Variants in FOXP2 observed in about 807,000 individuals in gnomAD.
FOXP2 encodes the protein forkhead box P2, also known as forkhead box protein P2.
FOXP2 carries 12 observed loss-of-function variants against 115.8 expected under a neutral mutation model. That is an observed-to-expected ratio of 0.10 (90% CI 0.07 to 0.17). The LOEUF is 0.17. FOXP2 is among the 10% of genes least tolerant of loss of function. The pLI, the probability that FOXP2 is intolerant of heterozygous loss-of-function variation, is 1.00. For synonymous variants in FOXP2, 328 were observed against 297.7 expected (o/e 1.10, Z -1.05); for missense variants, 629 against 843.5 (o/e 0.75, Z 3.15).
At chr7:114,546,891 A>T (rs942451172) in intron 3 of FOXP2, among the ~76,000 whole-genome samples, 2 of 152,194 alleles carry the variant, frequency 1.3e-5, no homozygotes, top group Admixed American at 1.3e-4. Context: ...TGCTTGACAC[A>T]TGGTAGATGC....
Position 114,690,993 on chromosome 7 carries a change from CA to C in FOXP2, c.*1069del. ...CTGAGGCCAAAAGTCCATCTAAATGCAATGAAGATTTGCTTTCATTAAAGAC... is the reference window on the plus strand; with the variant it reads ...CTGAGGCCAAAAGTCCATCTAAATGCATGAAGATTTGCTTTCATTAAAGAC... On this transcript the variant is annotated 3_prime_UTR_variant, in exon 17 of 17. Coordinates refer to ENST00000350908, the MANE Select transcript of FOXP2 (RefSeq NM_014491.4). 2.2e-6 allele frequency: 1 copy of C among 454,352 alleles called. No homozygotes were observed. The highest frequency in any genetic ancestry group is 6.9e-5 in the East Asian group (1 of 14,396). The allele number at this position is 454,352 out of a possible 1,614,324, so 28.1% of individuals were successfully genotyped here. A position where few individuals can be genotyped will look rare whatever the true frequency, so the allele number is the denominator to read the frequency against.
intron 1 of FOXP2, among the ~76,000 whole-genome samples, chr7:114,206,443 C>A (rs1405097512): frequency 6.6e-6 from 1 of 152,122 alleles, no homozygotes; most frequent in Non-Finnish European, 1.5e-5. Context: ...GAGTCCTCAG[C>A]CAGGCAAGCA....
chr7:114,534,622 C>T lies in FOXP2; in HGVS notation c.174C>T (p.Leu58=), dbSNP rs771919689. The part of the protein sequence containing the change: ...ELLHLQQQQA[L]QAARQLLLQQ... The stretch of plus-strand genomic sequence containing the variant: ...GGTTTCATTTTTACTTCTAGGCTCT[C>T]CAGGCAGCAAGACAACTTCTTTTAC... The change falls in exon 3 of 17, where the codon CTC becomes CTT. Residue 58 remains leucine (L), a synonymous_variant. Coordinates refer to ENST00000350908, the MANE Select transcript of FOXP2 (RefSeq NM_014491.4). 8 of 1,611,664 alleles carry T rather than the reference C, an allele frequency of 5.0e-6. No individual in the cohort carries two copies. The highest frequency in any genetic ancestry group is 6.8e-6 in the Non-Finnish European group (8 of 1,178,286).
At chr7:114,375,701 C>G (rs1416248061) in intron 2 of FOXP2, among the ~76,000 whole-genome samples, 2 of 152,146 alleles carry the variant, frequency 1.3e-5, no homozygotes, top group East Asian at 3.9e-4. Context: ...ACTTGGTTCT[C>G]CCAAGCATCG....
chr7:114,511,441 GA>G (rs1798069293), intron 2 of FOXP2, among the ~76,000 whole-genome samples: 2 of 152,176 alleles, frequency 1.3e-5, no homozygotes, highest in Non-Finnish European at 2.9e-5. Flanking sequence ...AAAAAGAAAG[GA>G]ATCAAAAAAA....
Position 114,629,951 on chromosome 7 carries a change from G to GCAGCAGCAACAGCAGCAGCAGCAGCAA in FOXP2, c.549_575dup (p.Gln183_Gln191dup), listed in dbSNP as rs1804808523. 1 of 1,611,208 alleles carries GCAGCAGCAACAGCAGCAGCAGCAGCAA rather than the reference G, an allele frequency of 6.2e-7. No homozygotes were observed. The highest frequency in any genetic ancestry group is 1.7e-5 in the Admixed American group (1 of 59,670). On this transcript the variant is annotated inframe_insertion, in exon 5 of 17. Transcript: ENST00000350908. Reference sequence around the variant, plus strand: ...AACAACAGCAGCAACAACAGCAGCAGCAGCAGCAACAGCAGCAGCAGCAGC... The same window carrying GCAGCAGCAACAGCAGCAGCAGCAGCAA: ...AACAACAGCAGCAACAACAGCAGCAGCAGCAGCAACAGCAGCAGCAGCAGCAACAGCAGCAACAGCAGCAGCAGCAGC...
At chr7:114,498,037 A>G (rs552606077) in intron 2 of FOXP2, among the ~76,000 whole-genome samples, 5 of 152,282 alleles carry the variant, frequency 3.3e-5, no homozygotes, top group African/African-American at 1.2e-4. Context: ...TGAAACATCC[A>G]CTATTATCTA....
intron 2 of FOXP2, among the ~76,000 whole-genome samples, chr7:114,519,348 C>T (rs1798499850): frequency 6.6e-6 from 1 of 152,070 alleles, no homozygotes; most frequent in Non-Finnish European, 1.5e-5. Context: ...TTTCAGAATG[C>T]CTCATTTCTG....
chr7:114,088,570 ATAGT>A (rs1799475805), intron 1 of FOXP2, among the ~76,000 whole-genome samples: 1 of 152,232 alleles, frequency 6.6e-6, no homozygotes, highest in African/African-American at 2.4e-5. Flanking sequence ...CCTAACTCAA[ATAGT>A]TTGTTTAGTC....
At chr7:114,648,480 G>C (rs1206198363) in intron 8 of FOXP2, among the ~76,000 whole-genome samples, 1 of 152,090 alleles carries the variant, frequency 6.6e-6, no homozygotes, top group Non-Finnish European at 1.5e-5. Context: ...CTTATAAAAT[G>C]CTACAACTTT....
At chr7:114,193,381 T>G (rs1432812546) in intron 1 of FOXP2, among the ~76,000 whole-genome samples, 3 of 151,966 alleles carry the variant, frequency 2.0e-5, no homozygotes, top group Admixed American at 6.6e-5. Flanking sequence ...TCTGACAAAC[T>G]AAAATACATT....
intron 1 of FOXP2, among the ~76,000 whole-genome samples, chr7:114,137,254 T>A (rs1364284486): frequency 6.6e-6 from 1 of 152,148 alleles, no homozygotes; most frequent in African/African-American, 2.4e-5. Flanking sequence ...AAGGAATATT[T>A]AACAAGTATT....
intron 3 of FOXP2, among the ~76,000 whole-genome samples, chr7:114,577,389 G>A (rs1359128767): frequency 6.6e-6 from 1 of 151,916 alleles, no homozygotes; most frequent in Non-Finnish European, 1.5e-5. Flanking sequence ...ATAACTTTAT[G>A]CATCAGACAA....
At chr7:114,664,785 AGTT>A in intron 16 of FOXP2, 1 of 288,456 alleles carries the variant, frequency 3.5e-6, no homozygotes, top group South Asian at 3.7e-5. Context: ...TGATGGAATA[AGTT>A]GTTATAATTT....
rs3997242 is a variant in FOXP2 at position 114,536,397 on chromosome 7, CTTTT to C, written c.258+1709_258+1712del. On this transcript the variant is annotated intron_variant, in intron 3 of 16. Transcript: ENST00000350908. ...ATGGCTGGGCTTTAGTTTTTCTTTT[CTTTT>C]TTTTTTTTTTTTTTTTTGTTGTTGT... Among the ~76,000 whole-genome samples, 356 of 112,352 alleles carry C rather than the reference CTTTT, an allele frequency of 3.2e-3. 2 individuals carry two copies. The highest frequency in any genetic ancestry group is 0.011 in the African/African-American group (327 of 29,704). 73.7% of individuals were successfully genotyped at this position (112,352 alleles called of 152,430 possible). A position where few individuals can be genotyped will look rare whatever the true frequency, so the allele number is the denominator to read the frequency against.
At chr7:114,186,549 G>T (rs557048910) in intron 1 of FOXP2, among the ~76,000 whole-genome samples, 1 of 152,178 alleles carries the variant, frequency 6.6e-6, no homozygotes, top group East Asian at 1.9e-4. Flanking sequence ...CCCTACCCCT[G>T]TGGCTTTGCT....
At chr7:114,587,882 T>TATAATAAGG (rs1401649414) in intron 3 of FOXP2, among the ~76,000 whole-genome samples, 1 of 61,320 alleles carries the variant, frequency 1.6e-5, no homozygotes, top group African/African-American at 4.3e-5. Flanking sequence ...GATAATTAAA[T>TATAATAAGG]CCACCTTTCT....
At chr7:114,452,475 C>G (rs1299570655) in intron 2 of FOXP2, among the ~76,000 whole-genome samples, 3 of 152,026 alleles carry the variant, frequency 2.0e-5, no homozygotes, top group African/African-American at 7.2e-5. Flanking sequence ...TCAAAAAATG[C>G]ATGAGTACAG....
intron 2 of FOXP2, among the ~76,000 whole-genome samples, chr7:114,305,291 T>A (rs1796986738): frequency 6.6e-6 from 1 of 152,204 alleles, no homozygotes; most frequent in African/African-American, 2.4e-5. Flanking sequence ...TATATCCCTC[T>A]TGTAAAATGG....
Sources: allele counts gnomAD v4.1 joint callset (sites outside exome capture counted in the v4.1 genomes callset), GRCh38; gene constraint gnomAD v4.1.1; transcripts MANE v1.5; gene names NCBI Gene and HGNC (gene_info 2026-07-23, HGNC 2026-07-21).